Variants in CXCL5 observed in about 807,000 individuals in gnomAD.
CXCL5 encodes the protein C-X-C motif chemokine ligand 5.
CXCL5 carries 13 observed loss-of-function variants against 12.1 expected under a neutral mutation model. That is an observed-to-expected ratio of 1.08 (90% CI 0.70 to 1.71). The LOEUF is 1.71. Ranked by LOEUF, CXCL5 falls within the 40% of genes most tolerant of loss-of-function variation. The pLI, the probability that CXCL5 is intolerant of heterozygous loss-of-function variation, is 0.00. For missense variants in CXCL5, 159 were observed against 142.4 expected, an observed-to-expected ratio of 1.12 and a Z score of -0.59; for synonymous variants, 67 against 59.0, an observed-to-expected ratio of 1.14 and a Z score of -0.62.
chr4:73,996,128 G>T lies in CXCL5; in HGVS notation c.*1509C>A, dbSNP rs1719186754. On this transcript the variant is annotated 3_prime_UTR_variant, in exon 4 of 4. Coordinates refer to ENST00000296027, the MANE Select transcript of CXCL5 (RefSeq NM_002994.5). ...TCACATTTTCTCTTTAAAAGGGAAG[G>T]ATTTCCAAACAAAGGTGAAATAGCT... The T allele has an allele frequency of 6.6e-6, 1 of 152,478 alleles. No individual in the cohort carries two copies. Among genetic ancestry groups the T allele is most frequent in the African/African-American group, 2.4e-5 (1 of 41,402 alleles). 9.4% of individuals were successfully genotyped at this position (152,478 alleles called of 1,614,324 possible). A position where few individuals can be genotyped will look rare whatever the true frequency, so the allele number is the denominator to read the frequency against.
In CXCL5 at chr4:73,998,008, G is replaced by A. The variant is rs1171578313; in HGVS notation, c.326+4C>T. 6.2e-7 allele frequency: 1 copy of A among 1,612,642 alleles called. No homozygotes were observed. The highest frequency in any genetic ancestry group is 2.2e-5 in the East Asian group (1 of 44,874). ...GAAACCACAAAGATCAAAGTGACAA[G>A]TACCCGTCCAAAATTTTCTGGATGA... On this transcript the variant is annotated splice_donor_region_variant and intron_variant, in intron 3 of 3. Coordinates refer to ENST00000296027, the MANE Select transcript of CXCL5 (RefSeq NM_002994.5).
chr4:73,998,442 C>G, intron 1 of CXCL5, 31 bp downstream of exon 1: 1 of 1,606,364 alleles, frequency 6.2e-7, no homozygotes, highest in Non-Finnish European at 8.5e-7. Context: ...TGCCCGAGTG[C>G]GAGTGCGTCC....
intron 2 of CXCL5, 48 bp from the exon 3 acceptor site, chr4:73,998,143 G>A (rs1268219522): frequency 6.2e-7 from 1 of 1,613,896 alleles, no homozygotes; most frequent in Non-Finnish European, 8.5e-7. Flanking sequence ...CAAGGTTGAA[G>A]ACCCAGGCTG....
In CXCL5 at chr4:73,996,258, C is replaced by G. The variant is rs1007469321; in HGVS notation, c.*1379G>C. 2 of 152,650 alleles carry G rather than the reference C, an allele frequency of 1.3e-5. No homozygotes were observed. Among genetic ancestry groups the G allele is most frequent in the African/African-American group, 4.8e-5 (2 of 41,438 alleles). 9.5% of individuals were successfully genotyped at this position (152,650 alleles called of 1,614,324 possible). A position where few individuals can be genotyped will look rare whatever the true frequency, so the allele number is the denominator to read the frequency against. On this transcript the variant is annotated 3_prime_UTR_variant, in exon 4 of 4. Coordinates refer to ENST00000296027, the MANE Select transcript of CXCL5 (RefSeq NM_002994.5). Reference sequence around the variant, plus strand: ...CCGCATCTTCCCCCACCCCCAACCCCAGTGTGTCCCACCAGGACTAGAACA... The same window carrying G: ...CCGCATCTTCCCCCACCCCCAACCCGAGTGTGTCCCACCAGGACTAGAACA...
rs1265416902 is a variant in CXCL5, at chr4:73,996,991, A to T, written c.*646T>A. The T allele has an allele frequency of 6.6e-6, 1 of 152,220 alleles. No individual in the cohort carries two copies. The highest frequency in any genetic ancestry group is 1.5e-5 in the Non-Finnish European group (1 of 68,032). 9.4% of individuals were successfully genotyped at this position (152,220 alleles called of 1,614,324 possible). A position where few individuals can be genotyped will look rare whatever the true frequency, so the allele number is the denominator to read the frequency against. On this transcript the variant is annotated 3_prime_UTR_variant, in exon 4 of 4. Coordinates refer to ENST00000296027, the MANE Select transcript of CXCL5 (RefSeq NM_002994.5). ...ATGTCTAAAATTATAGGAAGATAAG[A>T]TATTAGCCCTCATAGAACTTAAACT...
chr4:73,996,112 C>A lies in CXCL5; in HGVS notation c.*1525G>T, dbSNP rs1560548669. 1 of 152,450 alleles carries A rather than the reference C, an allele frequency of 6.6e-6. No individual in the cohort carries two copies. The highest frequency in any genetic ancestry group is 6.6e-5 in the Admixed American group (1 of 15,264). 9.4% of individuals were successfully genotyped at this position (152,450 alleles called of 1,614,324 possible). On this transcript the variant is annotated 3_prime_UTR_variant, in exon 4 of 4. Transcript: ENST00000296027. ...AGCCTTTTCACAAGTGTCACATTTT[C>A]TCTTTAAAAGGGAAGGATTTCCAAA... is the stretch of plus-strand genomic sequence containing the variant.
chr4:73,996,942 T>C lies in CXCL5; in HGVS notation c.*695A>G, dbSNP rs1719206699. The C allele has an allele frequency of 6.6e-6, 1 of 152,142 alleles. No homozygotes were observed. Among genetic ancestry groups the C allele is most frequent in the African/African-American group, 2.4e-5 (1 of 41,444 alleles). 9.4% of individuals were successfully genotyped at this position (152,142 alleles called of 1,614,324 possible). On this transcript the variant is annotated 3_prime_UTR_variant, in exon 4 of 4. Coordinates refer to ENST00000296027, the MANE Select transcript of CXCL5 (RefSeq NM_002994.5). ...AAAGTTTAAAAGTAAATGATGGCAGTTTGCCATACTAAAAAGATAAAGAAT... is the reference window on the plus strand; with the variant it reads ...AAAGTTTAAAAGTAAATGATGGCAGCTTGCCATACTAAAAAGATAAAGAAT...
chr4:73,995,769 A>C lies in CXCL5; in HGVS notation c.*1868T>G, dbSNP rs1719176740. The C allele has an allele frequency of 6.6e-6, 1 of 150,536 alleles. No homozygotes were observed. The highest frequency in any genetic ancestry group is 1.5e-5 in the Non-Finnish European group (1 of 67,716). 9.3% of individuals were successfully genotyped at this position (150,536 alleles called of 1,614,324 possible). A position where few individuals can be genotyped will look rare whatever the true frequency, so the allele number is the denominator to read the frequency against. ...ATATATATGTAATTACTCATAACAA[A>C]ATGGTCAAAACCTTTAAAAGATACA... On this transcript the variant is annotated 3_prime_UTR_variant, in exon 4 of 4. Coordinates refer to ENST00000296027, the MANE Select transcript of CXCL5 (RefSeq NM_002994.5).
At position 73,995,959 on chromosome 4, in the gene CXCL5, A is replaced by G; in HGVS notation, c.*1678T>C. On this transcript the variant is annotated 3_prime_UTR_variant, in exon 4 of 4. Coordinates refer to ENST00000296027, the MANE Select transcript of CXCL5 (RefSeq NM_002994.5). ...GTTTTGTTTTTGCCATTTAAATATT[A>G]TCACAGAATCCTATTCTGAAAGACA... is the stretch of plus-strand genomic sequence containing the variant. 1 of 152,224 alleles carries G rather than the reference A, an allele frequency of 6.6e-6. No homozygotes were observed. Among genetic ancestry groups the G allele is most frequent in the East Asian group, 1.9e-4 (1 of 5,198 alleles). The allele number at this position is 152,224 out of a possible 1,614,324, so 9.4% of individuals were successfully genotyped here. A position where few individuals can be genotyped will look rare whatever the true frequency, so the allele number is the denominator to read the frequency against.
At position 73,998,576 on chromosome 4, in the gene CXCL5, G is replaced by A. The variant is rs1215671198; in HGVS notation, c.6C>T (p.Ser2=). 3 of 1,585,104 alleles carry A rather than the reference G, an allele frequency of 1.9e-6. No individual in the cohort carries two copies. In the South Asian group the frequency reaches 3.4e-5, roughly 18 times the overall value. M[S]LLSSRAARVP... ...CACGGGCCGCGCGGCTGGACAGGAG[G>A]CTCATAGTGGTCAAGAGAGCGCTGC... The change falls in exon 1 of 4, where the codon AGC becomes AGT. Residue 2 remains serine, a synonymous_variant. Coordinates refer to ENST00000296027, the MANE Select transcript of CXCL5 (RefSeq NM_002994.5).
chr4:73,998,117 T>C, intron 2 of CXCL5, 22 bp from the exon 3 acceptor site: 4 of 1,613,614 alleles, frequency 2.5e-6, no homozygotes, highest in Non-Finnish European at 1.7e-6. Flanking sequence ...AAAAAGAAGA[T>C]ACACTCATGA....
rs200729500 is a variant in CXCL5 at position 73,996,149 on chromosome 4, T to A, written c.*1488A>T. 19 of 152,522 alleles carry A rather than the reference T, an allele frequency of 1.2e-4. No homozygotes were observed. Among genetic ancestry groups the A allele is most frequent in the Admixed American group, 1.2e-3 (18 of 15,256 alleles). The allele number at this position is 152,522 out of a possible 1,614,324, so 9.4% of individuals were successfully genotyped here. The stretch of plus-strand genomic sequence containing the variant: ...GAAGGATTTCCAAACAAAGGTGAAA[T>A]AGCTTAAACAGAAATATTTGTAAAA... On this transcript the variant is annotated 3_prime_UTR_variant, in exon 4 of 4. Coordinates refer to ENST00000296027, the MANE Select transcript of CXCL5 (RefSeq NM_002994.5).
chr4:73,997,055 T>C lies in CXCL5; in HGVS notation c.*582A>G, dbSNP rs1230522770. The stretch of plus-strand genomic sequence containing the variant: ...AATAAGGAAATATATTCTACATAGA[T>C]AAGGTGTGAAACACTCAGCTTTCTA... On this transcript the variant is annotated 3_prime_UTR_variant, in exon 4 of 4. Transcript: ENST00000296027. 6.6e-6 allele frequency: 1 copy of C among 152,214 alleles called. No homozygotes were observed. Among genetic ancestry groups the C allele is most frequent in the African/African-American group, 2.4e-5 (1 of 41,458 alleles). 9.4% of individuals were successfully genotyped at this position (152,214 alleles called of 1,614,324 possible). A position where few individuals can be genotyped will look rare whatever the true frequency, so the allele number is the denominator to read the frequency against.
chr4:73,998,556 G>T lies in CXCL5; in HGVS notation c.26C>A (p.Ala9Asp), dbSNP rs1294219262. The T allele has an allele frequency of 1.9e-6, 3 of 1,591,236 alleles. No homozygotes were observed. Among genetic ancestry groups the T allele is most frequent in the Admixed American group, 3.6e-5 (2 of 56,282 alleles). Residue 9 changes from alanine to aspartate, a missense_variant, in exon 1 of 4, where the codon GCC becomes GAC. By Grantham distance (126) the Ala-to-Asp change is moderately radical. Coordinates refer to ENST00000296027, the MANE Select transcript of CXCL5 (RefSeq NM_002994.5). ...GGAGCTCGAAGGACCGGGGACACGGGCCGCGCGGCTGGACAGGAGGCTCAT... is the reference window on the plus strand; with the variant it reads ...GGAGCTCGAAGGACCGGGGACACGGTCCGCGCGGCTGGACAGGAGGCTCAT... MSLLSSRA[A>D]RVPGPSSSLC...
chr4:73,998,365 A>G (rs769189117), intron 1 of CXCL5, 27 bp from the exon 2 acceptor site: 5 of 1,613,350 alleles, frequency 3.1e-6, no homozygotes, highest in Non-Finnish European at 4.2e-6. Context: ...GACACCCTTT[A>G]TAGGGCAGGT....
rs2109819913 is a variant in CXCL5 at position 73,998,305 on chromosome 4, C to T, written c.143G>A (p.Arg48His). The change falls in exon 2 of 4, where the codon CGT (arginine) becomes CAT (histidine). Residue 48 changes from arginine to histidine, a missense_variant. Coordinates refer to ENST00000296027, the MANE Select transcript of CXCL5 (RefSeq NM_002994.5). Reference protein sequence around the residue: ...GPAAAVLRELRCVCLQTTQGV... With the variant: ...GPAAAVLRELHCVCLQTTQGV... ...TTGCGTGGTCTGTAAACAAACGCAA[C>T]GCAGCTCTCTCAACACAGCAGCGGC... The T allele has an allele frequency of 6.2e-7, 1 of 1,614,206 alleles. No individual in the cohort carries two copies.
Position 73,997,663 on chromosome 4 carries a change from G to A in CXCL5, c.327-8C>T. The A allele has an allele frequency of 3.1e-6, 5 of 1,603,508 alleles. No homozygotes were observed. The highest frequency in any genetic ancestry group is 3.4e-6 in the Non-Finnish European group (4 of 1,172,728). On this transcript the variant is annotated splice_polypyrimidine_tract_variant and splice_region_variant and intron_variant, in intron 3 of 3. Transcript: ENST00000296027. ...CAGTTTTCCTTGTTTCCACTGTTGAGAAAAATGTTATATTAGTTTAACCAT... is the reference window on the plus strand; with the variant it reads ...CAGTTTTCCTTGTTTCCACTGTTGAAAAAAATGTTATATTAGTTTAACCAT...
At position 73,996,998 on chromosome 4, in the gene CXCL5, C is replaced by G. The variant is rs1198745919; in HGVS notation, c.*639G>C. On this transcript the variant is annotated 3_prime_UTR_variant, in exon 4 of 4. Transcript: ENST00000296027. ...AAATTATAGGAAGATAAGATATTAG[C>G]CCTCATAGAACTTAAACTTTTAGAA... 1.3e-5 allele frequency: 2 copies of G among 152,026 alleles called. No homozygotes were observed. The highest frequency in any genetic ancestry group is 2.9e-5 in the Non-Finnish European group (2 of 67,990). 9.4% of individuals were successfully genotyped at this position (152,026 alleles called of 1,614,324 possible). A position where few individuals can be genotyped will look rare whatever the true frequency, so the allele number is the denominator to read the frequency against.
At chr4:73,997,732 T>C in intron 3 of CXCL5, 77 bp from the exon 4 acceptor site, 2 of 1,195,050 alleles carry the variant, frequency 1.7e-6, no homozygotes, top group Non-Finnish European at 2.4e-6. Context: ...AACTCAGCGT[T>C]TATGATGTTT....
Sources: allele counts gnomAD v4.1 joint callset, GRCh38; gene constraint gnomAD v4.1.1; transcripts MANE v1.5; gene names NCBI Gene and HGNC (gene_info 2026-07-23, HGNC 2026-07-21).